GSN: variants seen among roughly 807,000 people sequenced by gnomAD.
GSN encodes the protein gelsolin.
GSN carries 56 observed loss-of-function variants against 85.7 expected under a neutral mutation model. The ratio of observed to expected loss-of-function variants is 0.65; its 90% confidence interval spans 0.53 to 0.82. The LOEUF (loss-of-function observed/expected upper bound fraction) is 0.82, where lower values mean the gene tolerates loss of function less well. Among genes scored for constraint, GSN ranks in the 40% least tolerant of loss-of-function variants. GSN has a pLI of 0.00. For synonymous variants in GSN, 373 were observed against 399.1 expected (o/e 0.93, Z 0.78); for missense variants, 857 against 979.8 (o/e 0.87, Z 1.67).
chr9:121,239,278 GC>G, intron 5 of GSN: 1 of 382,558 alleles, frequency 2.6e-6, no homozygotes, highest in South Asian at 2.2e-5. Context: ...ATATTGGTAT[GC>G]CAGAAATTCG....
chr9:121,290,106 G>T (rs1157049965), intron 2 of GSN, among the ~76,000 whole-genome samples: 4 of 152,086 alleles, frequency 2.6e-5, no homozygotes, highest in Non-Finnish European at 4.4e-5. Context: ...GTCTTGGTGG[G>T]ATGACCGTGG....
chr9:121,245,437 GC>G (rs2054680610), intron 5 of GSN, among the ~76,000 whole-genome samples: 1 of 152,134 alleles, frequency 6.6e-6, no homozygotes, highest in African/African-American at 2.4e-5. Context: ...GCTCACTGCA[GC>G]CTTGACCTCC....
intron 4 of GSN, among the ~76,000 whole-genome samples, chr9:121,216,874 C>T (rs941074476): frequency 1.3e-5 from 2 of 152,320 alleles, no homozygotes; most frequent in Non-Finnish European, 2.9e-5. Context: ...GATGTCCAAG[C>T]GTTGCATTCT....
At chr9:121,266,877 T>C (rs2239696), upstream of GSN, among the ~76,000 whole-genome samples, 72,079 of 151,968 alleles carry the variant, frequency 0.47, 18,187 homozygotes, top group East Asian at 0.74. Context: ...AGAGCCAGGG[T>C]GAGATTCCCT....
intron 2 of GSN, among the ~76,000 whole-genome samples, chr9:121,296,411 C>T (rs1165056347): frequency 3.3e-5 from 5 of 152,300 alleles, no homozygotes; most frequent in South Asian, 4.1e-4. Flanking sequence ...TGATCCAGAA[C>T]GGCCTGCAGA....
At chr9:121,325,791 G>C (rs1191001471) in intron 12 of GSN, among the ~76,000 whole-genome samples, 6 of 152,098 alleles carry the variant, frequency 3.9e-5, no homozygotes, top group Admixed American at 6.5e-5. Context: ...AGCCTTGGGA[G>C]TAGCATCCTT....
intron 2 of GSN, among the ~76,000 whole-genome samples, chr9:121,289,971 A>T (rs541133715): frequency 1.3e-5 from 2 of 152,320 alleles, no homozygotes; most frequent in South Asian, 2.1e-4. Flanking sequence ...AGCTGATGTT[A>T]TGATCCCAGG....
At chr9:121,323,331 C>G (rs1173248702) in intron 11 of GSN, among the ~76,000 whole-genome samples, 1 of 148,660 alleles carries the variant, frequency 6.7e-6, no homozygotes, top group Non-Finnish European at 1.5e-5. Flanking sequence ...ACTTACTAAT[C>G]TATAGGCTTT....
At chr9:121,272,912 C>T (rs180963833) in intron 1 of GSN, among the ~76,000 whole-genome samples, 4 of 152,270 alleles carry the variant, frequency 2.6e-5, no homozygotes, top group Non-Finnish European at 1.5e-5. Flanking sequence ...GGCCTGGAGA[C>T]GTGAGCTCCT....
At chr9:121,271,732 C>G (rs759563715) in intron 1 of GSN, among the ~76,000 whole-genome samples, 3 of 152,162 alleles carry the variant, frequency 2.0e-5, no homozygotes, top group African/African-American at 7.2e-5. Flanking sequence ...AGGGGCCTCC[C>G]GGGGCTGTTT....
chr9:121,205,447 C>G (rs1018968764), upstream of GSN, among the ~76,000 whole-genome samples: 5 of 152,208 alleles, frequency 3.3e-5, no homozygotes, highest in African/African-American at 7.2e-5. Context: ...CACTGATCTG[C>G]TCTGCCCTAT....
At chr9:121,251,165 A>G (rs1345511172) in intron 6 of GSN, among the ~76,000 whole-genome samples, 2 of 133,120 alleles carry the variant, frequency 1.5e-5, no homozygotes, top group Non-Finnish European at 3.1e-5. Context: ...CTGAAGTATA[A>G]CATACCTACA....
Position 121,286,183 on chromosome 9 carries a change from T to C in GSN, c.-10+4621T>C, listed in dbSNP as rs12343736. The C allele has an allele frequency of 0.029, 44,595 of 1,529,228 alleles. 2,598 individuals are homozygous for C. Among genetic ancestry groups the C allele is most frequent in the Admixed American group, 0.19 (9,931 of 50,954 alleles). The allele number at this position is 1,529,228 out of a possible 1,614,324, so 94.7% of individuals were successfully genotyped here. ...AGCCCTCAGGGGCAATTCTGACCCA[T>C]GGGTGAGTAGCACGGGATCTGGGGT... is the stretch of plus-strand genomic sequence containing the variant. On this transcript the variant is annotated intron_variant, in intron 2 of 17. Transcript: ENST00000432226.
At chr9:121,264,901 A>G (rs1344390309), upstream of GSN, among the ~76,000 whole-genome samples, 1 of 152,236 alleles carries the variant, frequency 6.6e-6, no homozygotes, top group Non-Finnish European at 1.5e-5. Flanking sequence ...CAAAGATTCC[A>G]GCTTGCTGCT....
chr9:121,264,763 G>A (rs923531676), upstream of GSN, among the ~76,000 whole-genome samples: 2 of 152,228 alleles, frequency 1.3e-5, no homozygotes, highest in African/African-American at 2.4e-5. Flanking sequence ...TCTCTGGGAA[G>A]TGCACCCCCT....
At chr9:121,210,332 G>A (rs1189764258) in intron 3 of GSN, 1 of 152,224 alleles carries the variant, frequency 6.6e-6, no homozygotes, top group Non-Finnish European at 1.5e-5. Context: ...GAGACCTGGT[G>A]AGTGACGTGC....
At chr9:121,271,951 C>T (rs2056040254) in intron 1 of GSN, among the ~76,000 whole-genome samples, 1 of 152,230 alleles carries the variant, frequency 6.6e-6, no homozygotes. Context: ...GAAAACTGGA[C>T]ACTCTCCTGC....
intron 2 of GSN, among the ~76,000 whole-genome samples, chr9:121,288,932 C>T (rs565878350): frequency 1.2e-4 from 18 of 152,290 alleles, no homozygotes; most frequent in African/African-American, 3.6e-4. Context: ...GCAAGAGGAA[C>T]GCAGGGCCTG....
At chr9:121,289,799 G>T (rs1239885063) in intron 2 of GSN, among the ~76,000 whole-genome samples, 1 of 152,164 alleles carries the variant, frequency 6.6e-6, no homozygotes, top group Non-Finnish European at 1.5e-5. Context: ...TTGTTGGGGG[G>T]TTAGTGGGCA....
Sources: allele counts gnomAD v4.1 joint callset (sites outside exome capture counted in the v4.1 genomes callset), GRCh38; gene constraint gnomAD v4.1.1; transcripts MANE v1.5; gene names NCBI Gene and HGNC (gene_info 2026-07-23, HGNC 2026-07-21).